The following CREB5 variants were observed in gnomAD, a reference collection of about 807,000 sequenced individuals.
The protein encoded by CREB5 is cAMP responsive element binding protein 5.
Under a neutral mutation model 57.1 loss-of-function variants are expected in CREB5, and 19 were observed. The ratio of observed to expected loss-of-function variants is 0.33; its 90% CI spans 0.23 to 0.49. The LOEUF is 0.49. CREB5 is among the 20% of genes least tolerant of loss of function. The probability of loss-of-function intolerance (pLI) is 0.99; values close to 1 mark genes in which losing one functional copy is unlikely to be tolerated. For missense variants in CREB5, 579 were observed against 671.6 expected (o/e 0.86, Z 1.52); for synonymous variants, 238 against 238.3 (o/e 1.00, Z 0.01).
chr7:28,311,383 T>C (rs1221601767), intron 1 of CREB5, among the ~76,000 whole-genome samples: 1 of 152,192 alleles, frequency 6.6e-6, no homozygotes, highest in Non-Finnish European at 1.5e-5. Context: ...TTCTGCATCA[T>C]TAAAACCAAT....
intron 5 of CREB5, among the ~76,000 whole-genome samples, chr7:28,631,227 T>C (rs1798190435): frequency 6.6e-6 from 1 of 152,186 alleles, no homozygotes; most frequent in African/African-American, 2.4e-5. Context: ...CCCACTGGGA[T>C]ACTGGAATAA....
rs1562680368 is a variant in CREB5 at position 28,373,431 on chromosome 7, T to TTTCTTTC, written c.-25+73992_-25+73993insCTTTCTT. Among the ~76,000 whole-genome samples the TTTCTTTC allele has an allele frequency of 1.1e-3, 145 of 126,618 alleles. 1 individual carries two copies. The highest frequency in any genetic ancestry group is 4.3e-3 in the African/African-American group (140 of 32,682). The allele number at this position is 126,618 out of a possible 152,430, so 83.1% of individuals were successfully genotyped here. A position where few individuals can be genotyped will look rare whatever the true frequency, so the allele number is the denominator to read the frequency against. ...GTGGTCTTTAATTTTCTTCTTTTTCTTTTTTTCTTTTTTCTTTTTTTTTTT... is the reference window on the plus strand; with the variant it reads ...GTGGTCTTTAATTTTCTTCTTTTTCTTTCTTTCTTTTTTCTTTTTTCTTTTTTTTTTT... On this transcript the variant is annotated intron_variant, in intron 1 of 9. Transcript: ENST00000396299.
chr7:28,593,150 TCA>T (rs1244906282), intron 5 of CREB5, among the ~76,000 whole-genome samples: 1 of 152,198 alleles, frequency 6.6e-6, no homozygotes, highest in Non-Finnish European at 1.5e-5. Flanking sequence ...ATAACCACAC[TCA>T]CACATATCAC....
intron 1 of CREB5, among the ~76,000 whole-genome samples, chr7:28,399,418 T>TAA (rs34901571): frequency 3.9e-5 from 5 of 128,154 alleles, no homozygotes; most frequent in Non-Finnish European, 3.3e-5. Context: ...ATCATTCTGG[T>TAA]AAAAAAAAAA....
intron 5 of CREB5, among the ~76,000 whole-genome samples, chr7:28,664,070 T>C (rs1202264138): frequency 2.0e-5 from 3 of 152,210 alleles, no homozygotes; most frequent in Non-Finnish European, 4.4e-5. Context: ...TAGCAAGTCC[T>C]TAGGTGATGC....
intron 7 of CREB5, among the ~76,000 whole-genome samples, chr7:28,735,665 G>C (rs984371009): frequency 1.8e-4 from 28 of 152,262 alleles, no homozygotes; most frequent in Non-Finnish European, 3.7e-4. Flanking sequence ...GGCTCCCTGA[G>C]GGGGAGGGAT....
chr7:28,325,253 G>A (rs971031897), intron 1 of CREB5, among the ~76,000 whole-genome samples: 2 of 152,224 alleles, frequency 1.3e-5, no homozygotes, highest in South Asian at 2.1e-4. Flanking sequence ...TCAGGAGATC[G>A]AGACCATCTG....
intron 1 of CREB5, among the ~76,000 whole-genome samples, chr7:28,448,963 C>T (rs1789642439): frequency 6.6e-6 from 1 of 152,210 alleles, no homozygotes; most frequent in South Asian, 2.1e-4. Flanking sequence ...GCTCACACAC[C>T]TAGACTTGAT....
At chr7:28,800,044 G>A (rs1554300975) in intron 7 of CREB5, among the ~76,000 whole-genome samples, 1 of 152,146 alleles carries the variant, frequency 6.6e-6, no homozygotes, top group Non-Finnish European at 1.5e-5. Flanking sequence ...ATTTAACACT[G>A]AGCAAACTCT....
chr7:28,797,560 T>A (rs182591936), intron 7 of CREB5, among the ~76,000 whole-genome samples: 35 of 152,318 alleles, frequency 2.3e-4, no homozygotes, highest in South Asian at 1.7e-3. Flanking sequence ...AATACTTAAA[T>A]TGCGGAACCA....
intron 1 of CREB5, among the ~76,000 whole-genome samples, chr7:28,383,657 G>A (rs1289784774): frequency 6.6e-6 from 1 of 152,142 alleles, no homozygotes; most frequent in Non-Finnish European, 1.5e-5. Context: ...ACTATTGTGA[G>A]TACAGCATCA....
Position 28,815,146 on chromosome 7 carries a change from G to A in CREB5, c.1255-2925G>A, listed in dbSNP as rs138993388. 4.3e-3 allele frequency among the ~76,000 whole-genome samples: 656 copies of A among 152,232 alleles called. 6 individuals are homozygous for A. The highest frequency in any genetic ancestry group is 7.4e-3 in the Non-Finnish European group (500 of 68,012). On this transcript the variant is annotated intron_variant, in intron 9 of 10. Transcript: ENST00000357727. ...AAATTAGGTGGGCATTGTGGCACAT[G>A]TCTCTAGTCCCTGCTACTCAGAAGG...
intron 7 of CREB5, among the ~76,000 whole-genome samples, chr7:28,796,279 T>C (rs1808036863): frequency 6.6e-6 from 1 of 152,240 alleles, no homozygotes; most frequent in African/African-American, 2.4e-5. Flanking sequence ...AATGTAATCA[T>C]ACAAAACATG....
intron 5 of CREB5, among the ~76,000 whole-genome samples, chr7:28,698,891 G>C (rs1308812561): frequency 1.3e-5 from 2 of 152,192 alleles, no homozygotes; most frequent in Non-Finnish European, 1.5e-5. Context: ...CTTATGAACG[G>C]TGCACATCGT....
chr7:28,606,419 A>G (rs187737772), intron 5 of CREB5, among the ~76,000 whole-genome samples: 35 of 152,332 alleles, frequency 2.3e-4, no homozygotes, highest in Admixed American at 2.2e-3. Flanking sequence ...TCTTGATTCA[A>G]ATCACACCTT....
chr7:28,443,282 C>G (rs969885814), intron 1 of CREB5, among the ~76,000 whole-genome samples: 22 of 152,212 alleles, frequency 1.4e-4, no homozygotes, highest in African/African-American at 5.3e-4. Context: ...AGGGAGTTTA[C>G]ATTATGGCTG....
At chr7:28,381,825 G>A (rs1000397359) in intron 1 of CREB5, among the ~76,000 whole-genome samples, 4 of 152,194 alleles carry the variant, frequency 2.6e-5, no homozygotes, top group African/African-American at 9.6e-5. Context: ...CTTATGTCTT[G>A]TTACATTGTG....
At chr7:28,593,672 T>A (rs1298780033) in intron 5 of CREB5, among the ~76,000 whole-genome samples, 2 of 152,232 alleles carry the variant, frequency 1.3e-5, no homozygotes, top group African/African-American at 2.4e-5. Flanking sequence ...TTGCATTTAT[T>A]TCCACATGAT....
At chr7:28,482,031 A>G (rs749060205) in intron 1 of CREB5, among the ~76,000 whole-genome samples, 2 of 152,234 alleles carry the variant, frequency 1.3e-5, no homozygotes, top group Non-Finnish European at 2.9e-5. Flanking sequence ...CAGAGGACTT[A>G]CTTTTCTCTT....
Sources: gnomAD v4.1 joint callset for allele counts (sites outside exome capture counted in the v4.1 genomes callset) on GRCh38, gnomAD v4.1.1 for gene constraint, MANE v1.5 for transcripts, NCBI Gene and HGNC (gene_info 2026-07-23, HGNC 2026-07-21) for gene names.